Variants in CDK5RAP2 observed in about 807,000 individuals in gnomAD.
The protein encoded by CDK5RAP2 is CDK5 regulatory subunit associated protein 2.
In CDK5RAP2, 147 loss-of-function variants were observed where a neutral mutation model predicts 232.9. The observed-to-expected ratio is 0.63, with a 90% CI of 0.55 to 0.72. The LOEUF is 0.72. Ranked by LOEUF, CDK5RAP2 falls within the 30% of genes least tolerant of loss-of-function variation. The pLI, the probability that CDK5RAP2 is intolerant of heterozygous loss-of-function variation, is 0.00. For missense variants in CDK5RAP2, 2,195 were observed against 2,231.5 expected, an observed-to-expected ratio of 0.98 and a Z score of 0.33; for synonymous variants, 833 against 833.7, an observed-to-expected ratio of 1.00 and a Z score of 0.01.
rs117988368 is a variant in CDK5RAP2 at position 120,579,291 on chromosome 9, G to C, written c.59+629C>G. 1.1e-3 allele frequency among the ~76,000 whole-genome samples: 162 copies of C among 152,294 alleles called. 2 individuals are homozygous for C. The East Asian group carries it at 0.026, about 24-fold the overall frequency. ...ACTACACCTGCCAAGCAAATGGCTC[G>C]ACAGGCATCACCTCTTTTAATCCTC... On this transcript the variant is annotated intron_variant, in intron 1 of 37. Coordinates refer to ENST00000349780, the MANE Select transcript of CDK5RAP2 (RefSeq NM_018249.6).
At chr9:120,550,449 A>G (rs1440716356) in intron 4 of CDK5RAP2, among the ~76,000 whole-genome samples, 1 of 152,252 alleles carries the variant, frequency 6.6e-6, no homozygotes, top group Non-Finnish European at 1.5e-5. Context: ...CCTAAGTTAC[A>G]CAAGTTACCT....
Position 120,403,960 on chromosome 9 carries a change from C to T in CDK5RAP2, c.5041+76G>A. ...ACCCTCCTGAGTTGGGACCAGGGAC[C>T]CCCCTTTTCTGCAAGTTAAAAAGTC... On this transcript the variant is annotated intron_variant, in intron 33 of 37. Coordinates refer to ENST00000349780, the MANE Select transcript of CDK5RAP2 (RefSeq NM_018249.6). The surrounding 1 kb of genome is among the most constrained non-coding windows in gnomAD (Gnocchi z 4.2). 3.1e-6 allele frequency: 3 copies of T among 983,352 alleles called. No individual in the cohort carries two copies. Among genetic ancestry groups the T allele is most frequent in the East Asian group, 2.4e-5 (1 of 41,822 alleles). 60.9% of individuals were successfully genotyped at this position (983,352 alleles called of 1,614,324 possible). A position where few individuals can be genotyped will look rare whatever the true frequency, so the allele number is the denominator to read the frequency against.
rs1191968603 is a variant in CDK5RAP2 at position 120,518,426 on chromosome 9, C to G, written c.1311+1G>C. ...TGTCAGAAGGGCAGGGCGGTACTCA[C>G]ACGGATGGTGCAGTCTCCTTTGCTC... On this transcript the variant is annotated splice_donor_variant, in intron 12 of 37. Coordinates refer to ENST00000349780, the MANE Select transcript of CDK5RAP2 (RefSeq NM_018249.6). LOFTEE classifies it high-confidence loss of function. 6.2e-7 allele frequency: 1 copy of G among 1,613,050 alleles called. No individual in the cohort carries two copies. The highest frequency in any genetic ancestry group is 8.5e-7 in the Non-Finnish European group (1 of 1,179,716).
intron 18 of CDK5RAP2, among the ~76,000 whole-genome samples, chr9:120,463,090 G>T (rs941543078): frequency 3.3e-5 from 5 of 152,032 alleles, no homozygotes; most frequent in Non-Finnish European, 7.4e-5. Context: ...AACAAAACAG[G>T]GCCAGGCACG....
chr9:120,530,075 T>C lies in CDK5RAP2; in HGVS notation c.728A>G (p.Glu243Gly), dbSNP rs1284080645. The change falls in exon 8 of 38, where the codon GAG becomes GGG. Residue 243 changes from glutamate (E) to glycine (G), a missense_variant. Glu to Gly is a moderately conservative substitution (Grantham distance 98, BLOSUM62 -2). Transcript: ENST00000349780. ...ATCAGGACATGCCATCTGAGATTTCTCCTCTTTAAGGCACTGAATTAAAGC... is the reference window on the plus strand; with the variant it reads ...ATCAGGACATGCCATCTGAGATTTCCCCTCTTTAAGGCACTGAATTAAAGC... ...KEALIQCLKE[E>G]KSQMACPDEN... 1.2e-6 allele frequency: 2 copies of C among 1,613,988 alleles called. No homozygotes were observed. Among genetic ancestry groups the C allele is most frequent in the Admixed American group, 1.7e-5 (1 of 60,014 alleles).
At chr9:120,450,557 A>G (rs1440606370) in intron 21 of CDK5RAP2, among the ~76,000 whole-genome samples, 1 of 152,198 alleles carries the variant, frequency 6.6e-6, no homozygotes, top group Admixed American at 6.5e-5. Flanking sequence ...TTTAAATAGC[A>G]GAGGAGAAGG....
chr9:120,488,106 T>G (rs1250831345), intron 13 of CDK5RAP2, among the ~76,000 whole-genome samples: 3 of 152,166 alleles, frequency 2.0e-5, no homozygotes. Flanking sequence ...CTGCATGGAA[T>G]CTATTCCTAA....
At chr9:120,414,127 A>G (rs776642606) in intron 28 of CDK5RAP2, among the ~76,000 whole-genome samples, 2 of 152,200 alleles carry the variant, frequency 1.3e-5, no homozygotes, top group Non-Finnish European at 1.5e-5. Context: ...TAAAATTGAT[A>G]ATGATGATAA....
chr9:120,411,053 G>T (rs1009934064), intron 29 of CDK5RAP2, among the ~76,000 whole-genome samples: 2 of 152,200 alleles, frequency 1.3e-5, no homozygotes, highest in Non-Finnish European at 2.9e-5. Context: ...GGCTACAGGG[G>T]AGATGAGTGA....
chr9:120,541,614 G>T (rs1372481788), intron 5 of CDK5RAP2, among the ~76,000 whole-genome samples: 1 of 152,132 alleles, frequency 6.6e-6, no homozygotes, highest in Non-Finnish European at 1.5e-5. Context: ...ATATAACAAT[G>T]GAAAACCAGC....
At chr9:120,544,779 C>T (rs2041772590) in intron 5 of CDK5RAP2, among the ~76,000 whole-genome samples, 1 of 152,196 alleles carries the variant, frequency 6.6e-6, no homozygotes, top group South Asian at 2.1e-4. Flanking sequence ...TGCCACTTTA[C>T]CCACAACACC....
chr9:120,511,987 C>T (rs1310187754), intron 12 of CDK5RAP2, among the ~76,000 whole-genome samples: 1 of 152,128 alleles, frequency 6.6e-6, no homozygotes, highest in African/African-American at 2.4e-5. Flanking sequence ...ATCCACCCAC[C>T]TCGGCCTCCC....
At chr9:120,561,837 G>A (rs755743904) in intron 3 of CDK5RAP2, among the ~76,000 whole-genome samples, 6 of 152,184 alleles carry the variant, frequency 3.9e-5, no homozygotes, top group Non-Finnish European at 7.3e-5. Context: ...ACCTTGTGCT[G>A]AAGTGATTCA....
In CDK5RAP2 at chr9:120,394,691, C is replaced by T. The variant is rs2032309792; in HGVS notation, c.5452-53G>A. ...AACAAAGAACATAAACATCATGTTA[C>T]ACAGGAAGAATTACAAAGCCATATA... is the stretch of plus-strand genomic sequence containing the variant. On this transcript the variant is annotated intron_variant, in intron 35 of 37. Coordinates refer to ENST00000349780, the MANE Select transcript of CDK5RAP2 (RefSeq NM_018249.6). 5.9e-6 allele frequency: 8 copies of T among 1,360,936 alleles called. 1 individual carries two copies. In the South Asian group the frequency reaches 8.2e-5, roughly 14 times the overall value. 84.3% of individuals were successfully genotyped at this position (1,360,936 alleles called of 1,614,324 possible).
chr9:120,558,093 G>C (rs1228472870), intron 3 of CDK5RAP2, among the ~76,000 whole-genome samples: 2 of 138,572 alleles, frequency 1.4e-5, no homozygotes, highest in Non-Finnish European at 3.1e-5. Context: ...AAAATTTTTA[G>C]GCTGGGCACG....
intron 25 of CDK5RAP2, among the ~76,000 whole-genome samples, chr9:120,426,986 T>G (rs1283112064): frequency 6.6e-6 from 1 of 152,214 alleles, no homozygotes; most frequent in African/African-American, 2.4e-5. Context: ...TGGTCTGAAC[T>G]AGTTTTTAAG....
At chr9:120,501,129 CT>C (rs2039555953) in intron 12 of CDK5RAP2, among the ~76,000 whole-genome samples, 1 of 152,228 alleles carries the variant, frequency 6.6e-6, no homozygotes, top group African/African-American at 2.4e-5. Flanking sequence ...CTAGACCCCC[CT>C]GACCTCGCTG....
chr9:120,539,150 C>T lies in CDK5RAP2; in HGVS notation c.398G>A (p.Ser133Asn), dbSNP rs542965508. 3.7e-6 allele frequency: 6 copies of T among 1,613,940 alleles called. No individual in the cohort carries two copies. Among genetic ancestry groups the T allele is most frequent in the South Asian group, 3.3e-5 (3 of 91,076 alleles). Residue 133 changes from serine to asparagine, a missense_variant, in exon 6 of 38, where the codon AGC (serine) becomes AAC (asparagine). Ser to Asn is a conservative substitution (Grantham distance 46, BLOSUM62 1). Coordinates refer to ENST00000349780, the MANE Select transcript of CDK5RAP2 (RefSeq NM_018249.6). ...TTCAGAGCCACCTGCTTCAGCTAAG[C>T]TCTCAACTGCTTTGCTGCAAAAAGA... ...LLIKASKAVE[S>N]LAEAGGSEIQ...
At chr9:120,568,272 G>T in intron 3 of CDK5RAP2, 49 bp downstream of exon 3, 1 of 1,382,792 alleles carries the variant, frequency 7.2e-7, no homozygotes, top group South Asian at 1.2e-5. Context: ...GCTGGACAGT[G>T]GCAGCAGACA....
Sources: gnomAD v4.1 joint callset for allele counts (sites outside exome capture counted in the v4.1 genomes callset) on GRCh38, gnomAD v4.1.1 for gene constraint, Gnocchi (gnomAD v3.1) non-coding constraint, MANE v1.5 for transcripts, NCBI Gene and HGNC (gene_info 2026-07-23, HGNC 2026-07-21) for gene names.